Variants in ICA1 observed in about 807,000 individuals in gnomAD.
The protein encoded by ICA1 is 69 kDa islet cell autoantigen.
Under a neutral mutation model 71.0 loss-of-function variants are expected in ICA1, and 40 were observed. That is an observed-to-expected ratio of 0.56 (90% confidence interval 0.44 to 0.73). The LOEUF (loss-of-function observed/expected upper bound fraction) is 0.73. Among genes scored for constraint, ICA1 ranks in the 30% least tolerant of loss-of-function variants. The pLI, the probability that ICA1 is intolerant of heterozygous loss-of-function variation, is 0.00. For missense variants in ICA1, 578 were observed against 576.5 expected (o/e 1.00, Z -0.03); for synonymous variants, 207 against 209.5 (o/e 0.99, Z 0.10).
intron 13 of ICA1, among the ~76,000 whole-genome samples, chr7:8,127,148 G>GTT (rs34728476): frequency 0.3 from 43,688 of 144,020 alleles, 6,942 homozygotes; most frequent in African/African-American, 0.42. Flanking sequence ...GCCTACCTAA[G>GTT]TTTTTTTTTT....
intron 6 of ICA1, among the ~76,000 whole-genome samples, chr7:8,165,316 A>AAGTATGTG (rs1282501252): frequency 6.6e-6 from 1 of 152,234 alleles, no homozygotes; most frequent in African/African-American, 2.4e-5. Flanking sequence ...TTATGCAAAG[A>AAGTATGTG]AGTATGTGTA....
At chr7:8,174,767 A>AC (rs3078590) in intron 6 of ICA1, among the ~76,000 whole-genome samples, 30,876 of 115,104 alleles carry the variant, frequency 0.27, 3,811 homozygotes, top group East Asian at 0.37. Context: ...AAAAAAAAAA[A>AC]AAAAAAAAAA....
At chr7:8,133,904 T>G (rs1562580782) in intron 12 of ICA1, among the ~76,000 whole-genome samples, 2 of 145,110 alleles carry the variant, frequency 1.4e-5, no homozygotes, top group African/African-American at 2.5e-5. Flanking sequence ...CTCCTCTAAC[T>G]CACTTTACAG....
At chr7:8,156,032 G>A (rs958176127) in intron 8 of ICA1, among the ~76,000 whole-genome samples, 3 of 152,182 alleles carry the variant, frequency 2.0e-5, no homozygotes, top group Non-Finnish European at 4.4e-5. Context: ...GCCAATCAAT[G>A]GGCGGGCGGC....
At chr7:8,140,215 C>T (rs950210092) in intron 10 of ICA1, among the ~76,000 whole-genome samples, 2 of 152,166 alleles carry the variant, frequency 1.3e-5, no homozygotes, top group Non-Finnish European at 2.9e-5. Context: ...TGATTCGTGC[C>T]GTGGGTACAC....
At position 8,256,448 on chromosome 7, in the gene ICA1, C is replaced by A. The variant is rs145518664; in HGVS notation, c.-80+5646G>T. Among the ~76,000 whole-genome samples the A allele has an allele frequency of 2.1e-3, 318 of 152,244 alleles. 1 individual carries two copies. The highest frequency in any genetic ancestry group is 7.1e-3 in the African/African-American group (294 of 41,558). Reference sequence around the variant, plus strand: ...GAACGCTTGAGCTTCCCTGAATATACTATGCACTTCAAGGACTTGAGATGA... The same window carrying A: ...GAACGCTTGAGCTTCCCTGAATATAATATGCACTTCAAGGACTTGAGATGA... On this transcript the variant is annotated intron_variant, in intron 1 of 13. Transcript: ENST00000402384.
chr7:8,240,591 A>G (rs959546971), intron 1 of ICA1, among the ~76,000 whole-genome samples: 4 of 152,194 alleles, frequency 2.6e-5, no homozygotes, highest in African/African-American at 4.8e-5. Flanking sequence ...AGGCTTCAGA[A>G]GGTTGGTAAT....
intron 8 of ICA1, among the ~76,000 whole-genome samples, chr7:8,154,124 C>A (rs543670318): frequency 4.5e-4 from 68 of 152,020 alleles, no homozygotes; most frequent in Admixed American, 7.9e-4. Flanking sequence ...TTATATTAGG[C>A]TTGGGTAAAA....
intron 1 of ICA1, among the ~76,000 whole-genome samples, chr7:8,260,224 G>C (rs889726718): frequency 2.0e-5 from 3 of 152,006 alleles, no homozygotes; most frequent in Non-Finnish European, 2.9e-5. Context: ...GCTTGCACCT[G>C]AAAAAAATGT....
chr7:8,182,190 A>G (rs2128267552), intron 6 of ICA1, among the ~76,000 whole-genome samples: 1 of 152,242 alleles, frequency 6.6e-6, no homozygotes, highest in East Asian at 1.9e-4. Flanking sequence ...AAATCGTAGA[A>G]TCTCTGAGAA....
intron 8 of ICA1, among the ~76,000 whole-genome samples, chr7:8,149,744 T>C (rs1484122771): frequency 6.6e-6 from 1 of 152,198 alleles, no homozygotes; most frequent in Non-Finnish European, 1.5e-5. Context: ...ATTAATTATA[T>C]TGTATACATA....
At chr7:8,205,099 G>C (rs979708383) in intron 6 of ICA1, among the ~76,000 whole-genome samples, 1 of 150,920 alleles carries the variant, frequency 6.6e-6, no homozygotes, top group Non-Finnish European at 1.5e-5. Flanking sequence ...AAAAAAGGCG[G>C]GGGGGTGGGC....
At chr7:8,128,222 G>C (rs1307868535) in intron 12 of ICA1, 80 bp from the exon 13 acceptor site, 8 of 1,429,030 alleles carry the variant, frequency 5.6e-6, no homozygotes, top group Non-Finnish European at 6.6e-6. Flanking sequence ...GGCTGCGAAG[G>C]GGGAGACTGG....
At chr7:8,257,971 C>T (rs756522320) in intron 1 of ICA1, among the ~76,000 whole-genome samples, 32 of 152,060 alleles carry the variant, frequency 2.1e-4, no homozygotes, top group Admixed American at 1.5e-3. Context: ...GAGTGGGGAA[C>T]GCTCTTTCTC....
At chr7:8,228,135 A>G (rs1799180816) in intron 4 of ICA1, among the ~76,000 whole-genome samples, 1 of 152,248 alleles carries the variant, frequency 6.6e-6, no homozygotes, top group South Asian at 2.1e-4. Context: ...CAGTGTGACT[A>G]TATGAAAATA....
chr7:8,161,524 A>G (rs1803802338), intron 6 of ICA1, among the ~76,000 whole-genome samples: 2 of 152,228 alleles, frequency 1.3e-5, no homozygotes, highest in South Asian at 2.1e-4. Flanking sequence ...TGGGATGTTA[A>G]CAAATGTAAT....
chr7:8,127,877 T>C lies in ICA1; in HGVS notation c.1326A>G (p.Leu442=). ...DQNMKDLQAS[L]QEPAKAASDL... is the part of the protein sequence containing the mutation. ...TTCAATCCCCACCTTACCTACCTTGTAGCGAGGCCTGTAAGTCTTTCATAT... is the reference window on the plus strand; with the variant it reads ...TTCAATCCCCACCTTACCTACCTTGCAGCGAGGCCTGTAAGTCTTTCATAT... Residue 442 remains leucine (L), a synonymous_variant, in exon 13 of 14, where the codon CTA becomes CTG. Transcript: ENST00000402384. 2 of 1,612,106 alleles carry C rather than the reference T, an allele frequency of 1.2e-6. No homozygotes were observed. The highest frequency in any genetic ancestry group is 1.7e-6 in the Non-Finnish European group (2 of 1,178,848).
At chr7:8,169,660 AT>A (rs1807523839) in intron 6 of ICA1, among the ~76,000 whole-genome samples, 1 of 152,090 alleles carries the variant, frequency 6.6e-6, no homozygotes, top group South Asian at 2.1e-4. Flanking sequence ...TAATGTGTCT[AT>A]TCAAATCTTT....
At chr7:8,163,938 G>C (rs1000973349) in intron 6 of ICA1, among the ~76,000 whole-genome samples, 3 of 152,124 alleles carry the variant, frequency 2.0e-5, no homozygotes, top group Non-Finnish European at 4.4e-5. Context: ...AAGGAAGAGA[G>C]AGGATCCTAT....
Sources: gnomAD v4.1 joint callset for allele counts (sites outside exome capture counted in the v4.1 genomes callset) on GRCh38, gnomAD v4.1.1 for gene constraint, MANE v1.5 for transcripts, NCBI Gene and HGNC (gene_info 2026-07-23, HGNC 2026-07-21) for gene names.